Variants in ZNF831 observed in about 807,000 individuals in gnomAD.
ZNF831 encodes the protein zinc finger protein 831.
In ZNF831, 59 loss-of-function variants were observed where a neutral mutation model predicts 95.8. That is an observed-to-expected ratio of 0.62 (90% CI 0.50 to 0.77). The LOEUF is 0.77. Ranked by LOEUF, ZNF831 falls within the 30% of genes least tolerant of loss-of-function variation. The pLI, the probability that ZNF831 is intolerant of heterozygous loss-of-function variation, is 0.00. For missense variants in ZNF831, 2,205 were observed against 2,164.0 expected, an observed-to-expected ratio of 1.02 and a Z score of -0.38; for synonymous variants, 961 against 925.5, an observed-to-expected ratio of 1.04 and a Z score of -0.70.
intron 1 of ZNF831, among the ~76,000 whole-genome samples, chr20:59,125,414 G>C (rs764472640): frequency 2.3e-4 from 35 of 152,294 alleles, no homozygotes; most frequent in Middle Eastern, 3.4e-3. Flanking sequence ...AGCATGGGGA[G>C]CTTGTGGGAA....
intron 1 of ZNF831, chr20:59,123,638 G>T (rs1377210820): frequency 1.4e-5 from 2 of 142,870 alleles, no homozygotes; most frequent in Non-Finnish European, 3.1e-5. Context: ...CAGCAGCCCT[G>T]TCTGTATTTG....
rs115805979 is a variant in ZNF831 at position 59,155,633 on chromosome 20, G to A, written c.-1280-4019G>A. Among the ~76,000 whole-genome samples, 795 of 152,342 alleles carry A rather than the reference G, an allele frequency of 5.2e-3. 4 individuals carry two copies. Among genetic ancestry groups the A allele is most frequent in the African/African-American group, 0.018 (758 of 41,566 alleles). ...TGGCTTCCGCTGCCCAGCGCAGCAG[G>A]GAGGAGTGCTGGGGCCAGGCCGCAC... On this transcript the variant is annotated intron_variant, in intron 2 of 7. Coordinates refer to the ZNF831 transcript ENST00000637017.
intron 1 of ZNF831, among the ~76,000 whole-genome samples, chr20:59,180,901 C>G (rs769455810): frequency 1.4e-4 from 21 of 152,140 alleles, no homozygotes; most frequent in Non-Finnish European, 3.1e-4. Flanking sequence ...GTCATGGGAT[C>G]GCTGGGTCAA....
chr20:59,251,456 A>T (rs1044285029), intron 4 of ZNF831, among the ~76,000 whole-genome samples: 1 of 152,260 alleles, frequency 6.6e-6, no homozygotes, highest in Non-Finnish European at 1.5e-5. Flanking sequence ...TTTGAATGTC[A>T]TACCCAGCCA....
chr20:59,223,517 G>A (rs574848686), intron 4 of ZNF831, among the ~76,000 whole-genome samples: 2 of 152,330 alleles, frequency 1.3e-5, no homozygotes, highest in South Asian at 2.1e-4. Context: ...GTGCTCCAGC[G>A]GCTACGGGAA....
At chr20:59,170,672 A>T (rs138104008) in intron 1 of ZNF831, among the ~76,000 whole-genome samples, 34 of 152,348 alleles carry the variant, frequency 2.2e-4, no homozygotes, top group African/African-American at 7.7e-4. Flanking sequence ...ACTATAAGAC[A>T]TAAGGGAACT....
At chr20:59,179,434 G>A (rs1410733804) in intron 1 of ZNF831, among the ~76,000 whole-genome samples, 1 of 152,086 alleles carries the variant, frequency 6.6e-6, no homozygotes, top group African/African-American at 2.4e-5. Flanking sequence ...ACCACACACT[G>A]GGGGGCTCAC....
intron 3 of ZNF831, among the ~76,000 whole-genome samples, chr20:59,196,746 C>T (rs76668835): frequency 0.036 from 5,464 of 152,230 alleles, 159 homozygotes; most frequent in East Asian, 0.13. Flanking sequence ...CCTCAGTTGT[C>T]AACCTGTCAA....
upstream of ZNF831, chr20:59,159,749 G>C (rs1362184059): frequency 6.6e-6 from 1 of 152,390 alleles, no homozygotes; most frequent in Non-Finnish European, 1.5e-5. Flanking sequence ...GTGGAAAGCG[G>C]AGTGCGTGCC....
In ZNF831 at chr20:59,256,069, C is replaced by T. The variant is rs928894551; in HGVS notation, c.*1326C>T. The T allele has an allele frequency of 9.2e-5, 14 of 152,178 alleles. No individual in the cohort carries two copies. The highest frequency in any genetic ancestry group is 1.6e-4 in the Non-Finnish European group (11 of 68,030). The allele number at this position is 152,178 out of a possible 1,614,324, so 9.4% of individuals were successfully genotyped here. A position where few individuals can be genotyped will look rare whatever the true frequency, so the allele number is the denominator to read the frequency against. The stretch of plus-strand genomic sequence containing the variant: ...GTACAATTTGAAATTTGTAGCTGAG[C>T]TCTTTTGGTGTAACTTTGATGTAAT... On this transcript the variant is annotated 3_prime_UTR_variant, in exon 6 of 6. Coordinates refer to ENST00000371030, the MANE Select transcript of ZNF831 (RefSeq NM_178457.3).
At chr20:59,155,145 C>CT (rs1239458487) in intron 2 of ZNF831, among the ~76,000 whole-genome samples, 36 of 152,156 alleles carry the variant, frequency 2.4e-4, no homozygotes, top group Middle Eastern at 3.4e-3. Flanking sequence ...TCTTTCATAG[C>CT]TTTTTTTTCA....
rs542582073 is a variant in ZNF831, at chr20:59,194,235, C to A, written c.3216C>A (p.Ser1072Arg). Residue 1072 changes from serine (S) to arginine (R), a missense_variant, in exon 2 of 6, where the codon AGC (serine) becomes AGA (arginine). Physicochemically the swap from Ser to Arg is moderately radical, Grantham distance 110 (BLOSUM62 -1). Transcript: ENST00000371030. ...AHLVQDMEGD[S>R]HRIHRLCMGS... ...TAGTTCAGGACATGGAGGGTGACAG[C>A]CACCGTATCCATCGCCTCTGCATGG... 1 of 1,613,774 alleles carries A rather than the reference C, an allele frequency of 6.2e-7. No homozygotes were observed. The highest frequency in any genetic ancestry group is 2.2e-5 in the East Asian group (1 of 44,890).
intron 3 of ZNF831, among the ~76,000 whole-genome samples, chr20:59,205,990 A>G (rs1301325925): frequency 1.3e-5 from 2 of 152,266 alleles, no homozygotes; most frequent in Non-Finnish European, 2.9e-5. Context: ...GAAACAAGAA[A>G]GGACATGAAA....
At chr20:59,133,689 G>A (rs1979415501) in intron 1 of ZNF831, among the ~76,000 whole-genome samples, 1 of 152,168 alleles carries the variant, frequency 6.6e-6, no homozygotes, top group Non-Finnish European at 1.5e-5. Flanking sequence ...ACATGCTGGA[G>A]TCCAGGGGTC....
At chr20:59,163,014 G>GGTGTATGT (rs1555820106), upstream of ZNF831, among the ~76,000 whole-genome samples, 1 of 136,458 alleles carries the variant, frequency 7.3e-6, no homozygotes, top group African/African-American at 2.7e-5. Context: ...TGTATTCCTA[G>GGTGTATGT]GTGTGTGTGT....
intron 3 of ZNF831, among the ~76,000 whole-genome samples, chr20:59,197,040 G>A (rs1490527383): frequency 6.6e-6 from 1 of 151,882 alleles, no homozygotes; most frequent in African/African-American, 2.4e-5. Context: ...TCTCGTCTTG[G>A]CCTCCCAAAG....
Position 59,192,676 on chromosome 20 carries a change from G to T in ZNF831, c.1657G>T (p.Val553Phe). Residue 553 changes from valine (V) to phenylalanine (F), a missense_variant, in exon 2 of 6, where the codon GTT (valine) becomes TTT (phenylalanine). By Grantham distance (50) the Val-to-Phe change is conservative. Transcript: ENST00000371030. The surrounding 1 kb of genome is among the most constrained non-coding windows in gnomAD (Gnocchi z 5.2). ...CCGCTCGGGACTAAGCTCGACTGAC[G>T]TTCCCAGTGGGCATCCCCGGGCCCT... ...GCRSGLSSTD[V>F]PSGHPRALVR... 2 of 1,554,858 alleles carry T rather than the reference G, an allele frequency of 1.3e-6. No homozygotes were observed. The highest frequency in any genetic ancestry group is 1.7e-6 in the Non-Finnish European group (2 of 1,152,300).
In ZNF831 at chr20:59,194,538, C is replaced by CG. The variant is rs1172103260; in HGVS notation, c.3519_3520insG (p.Phe1174ValfsTer7). ...GCAGTCCCCACAGCACCCAAAACCC[C>CG]TTTCCCTCACTGAAGGCTGAGCCGC... On this transcript the variant is annotated frameshift_variant, in exon 2 of 6. Transcript: ENST00000371030. LOFTEE classifies it high-confidence loss of function. The CG allele has an allele frequency of 6.2e-7, 1 of 1,606,094 alleles. No homozygotes were observed. Among genetic ancestry groups the CG allele is most frequent in the Non-Finnish European group, 8.5e-7 (1 of 1,175,910 alleles).
chr20:59,156,072 G>A lies in ZNF831; in HGVS notation c.-1280-3580G>A, dbSNP rs139799647. Reference sequence around the variant, plus strand: ...TTAGAAGCAAGTCCCGTAAAAAGCTGTATGTATTTAACATACACTGTATGA... The same window carrying A: ...TTAGAAGCAAGTCCCGTAAAAAGCTATATGTATTTAACATACACTGTATGA... On this transcript the variant is annotated intron_variant, in intron 2 of 7. Coordinates refer to the ZNF831 transcript ENST00000637017. Among the ~76,000 whole-genome samples, 973 of 152,304 alleles carry A rather than the reference G, an allele frequency of 6.4e-3. 9 individuals are homozygous for A. The highest frequency in any genetic ancestry group is 0.024 in the Middle Eastern group (7 of 294).
Sources: gnomAD v4.1 joint callset for allele counts (sites outside exome capture counted in the v4.1 genomes callset) on GRCh38, gnomAD v4.1.1 for gene constraint, Gnocchi (gnomAD v3.1) non-coding constraint, MANE v1.5 for transcripts, NCBI Gene and HGNC (gene_info 2026-07-23, HGNC 2026-07-21) for gene names.